RSPH14: variants seen among roughly 807,000 people sequenced by gnomAD.
The protein encoded by RSPH14 is rhabdoid tumor deletion region gene 1.
In RSPH14, 20 loss-of-function variants were observed where a neutral mutation model predicts 26.7. That is an observed-to-expected ratio of 0.75 (90% confidence interval 0.53 to 1.09). The LOEUF (loss-of-function observed/expected upper bound fraction) is 1.09. RSPH14 is among the 50% of genes least tolerant of loss of function. The probability of loss-of-function intolerance (pLI) is 0.00; values close to 1 mark genes in which losing one functional copy is unlikely to be tolerated. For missense variants in RSPH14, 449 were observed against 457.2 expected, an observed-to-expected ratio of 0.98 and a Z score of 0.16; for synonymous variants, 177 against 189.3, an observed-to-expected ratio of 0.93 and a Z score of 0.53.
intron 4 of RSPH14, among the ~76,000 whole-genome samples, chr22:23,079,291 A>T (rs1179874803): frequency 6.6e-6 from 1 of 152,222 alleles, no homozygotes; most frequent in East Asian, 1.9e-4. Flanking sequence ...GAGGCCTCCT[A>T]AGGAAGGGAC....
intron 4 of RSPH14, among the ~76,000 whole-genome samples, chr22:23,077,358 TC>T (rs1214332076): frequency 6.6e-6 from 1 of 152,118 alleles, no homozygotes; most frequent in African/African-American, 2.4e-5. Context: ...GACCTCAGGG[TC>T]CAACCCCATG....
chr22:23,064,041 G>C lies in RSPH14; in HGVS notation c.514C>G (p.Leu172Val). 2.5e-6 allele frequency: 4 copies of C among 1,614,176 alleles called. No homozygotes were observed. Among genetic ancestry groups the C allele is most frequent in the Non-Finnish European group, 3.4e-6 (4 of 1,180,010 alleles). Residue 172 changes from leucine (L) to valine (V), a missense_variant, in exon 5 of 7, where the codon CTG becomes GTG. Coordinates refer to ENST00000216036, the MANE Select transcript of RSPH14 (RefSeq NM_014433.3). ...VEEEEFQEFI[L>V]DTLVLCLQED... is the part of the protein sequence containing the mutation. ...TGCAGGCAGAGGACCAGTGTGTCCAGGATGAACTCCTGGAACTCCTCCTCC... is the reference window on the plus strand; with the variant it reads ...TGCAGGCAGAGGACCAGTGTGTCCACGATGAACTCCTGGAACTCCTCCTCC...
chr22:23,155,263 G>T, the RSPH14 span, among the ~76,000 whole-genome samples: 1 of 152,240 alleles, frequency 6.6e-6, no homozygotes, highest in East Asian at 1.9e-4. Context: ...ACTCAGCCCT[G>T]CATAGTGACT....
the RSPH14 span, among the ~76,000 whole-genome samples, chr22:23,172,441 T>C: frequency 7.3e-6 from 1 of 137,308 alleles, no homozygotes; most frequent in Non-Finnish European, 1.6e-5. Context: ...AAAGGCCAGG[T>C]GCAGTGGCTC....
intron 4 of RSPH14, among the ~76,000 whole-genome samples, chr22:23,117,555 C>A (rs2069884533): frequency 6.6e-6 from 1 of 152,226 alleles, no homozygotes; most frequent in African/African-American, 2.4e-5. Flanking sequence ...TCCGATGAGA[C>A]CTCGCAGGTG....
chr22:23,068,299 C>T (rs1434729743), intron 4 of RSPH14, among the ~76,000 whole-genome samples: 1 of 152,272 alleles, frequency 6.6e-6, no homozygotes, highest in Non-Finnish European at 1.5e-5. Flanking sequence ...CCCAATGCTC[C>T]CCCACTCCAC....
intron 3 of RSPH14, chr22:23,136,400 C>T: frequency 1.8e-6 from 1 of 565,368 alleles, no homozygotes; most frequent in South Asian, 1.8e-5. Flanking sequence ...GCTCTGAAAG[C>T]TATTGACATT....
In RSPH14 at chr22:23,125,947, G is replaced by A. The variant is rs529663450; in HGVS notation, c.421+8079C>T. Among the ~76,000 whole-genome samples the A allele has an allele frequency of 5.9e-5, 9 of 152,250 alleles. No homozygotes were observed. In the East Asian group the frequency reaches 9.7e-4, roughly 16 times the overall value. ...CATGCACACAAGCACATGCACACAC[G>A]CGCAGATACGCACGCAGCCCTGGTG... On this transcript the variant is annotated intron_variant, in intron 4 of 6. Coordinates refer to ENST00000216036, the MANE Select transcript of RSPH14 (RefSeq NM_014433.3).
the RSPH14 span, among the ~76,000 whole-genome samples, chr22:23,175,035 C>G: frequency 2.0e-5 from 3 of 150,568 alleles, no homozygotes; most frequent in Non-Finnish European, 4.4e-5. Context: ...CTCGCTCTGT[C>G]ACCCAGGCTG....
At chr22:23,095,656 C>T (rs1569172498) in intron 4 of RSPH14, 1 of 1,561,586 alleles carries the variant, frequency 6.4e-7, no homozygotes, top group African/African-American at 1.4e-5. Context: ...GAGAGGTGCC[C>T]CATCCCGTGC....
chr22:23,070,391 G>A (rs944907658), intron 4 of RSPH14: 1 of 134,882 alleles, frequency 7.4e-6, no homozygotes, highest in African/African-American at 2.6e-5. Flanking sequence ...GCGGGAGGGC[G>A]GGCGGAGGGA....
upstream of RSPH14, among the ~76,000 whole-genome samples, chr22:23,147,149 C>A (rs1271041489): frequency 6.6e-6 from 1 of 152,152 alleles, no homozygotes; most frequent in Non-Finnish European, 1.5e-5. Flanking sequence ...AAATCCAGGG[C>A]TCTCTCCTCT....
intron 4 of RSPH14, among the ~76,000 whole-genome samples, chr22:23,065,780 G>A (rs1353770291): frequency 2.0e-5 from 3 of 152,128 alleles, no homozygotes; most frequent in Non-Finnish European, 4.4e-5. Flanking sequence ...AGAGTCTCCT[G>A]AATTCCACCA....
chr22:23,148,120 AG>A (rs2146491555), upstream of RSPH14, among the ~76,000 whole-genome samples: 1 of 152,224 alleles, frequency 6.6e-6, no homozygotes, highest in African/African-American at 2.4e-5. Flanking sequence ...GACTCTAGAC[AG>A]GTCCTGGGTA....
the RSPH14 span, chr22:23,152,637 G>GA: frequency 9.3e-7 from 1 of 1,072,414 alleles, no homozygotes; most frequent in Non-Finnish European, 1.4e-6. Flanking sequence ...TGGCTTCCAG[G>GA]AACTGCTGTG....
chr22:23,125,472 G>A (rs997664140), intron 4 of RSPH14, among the ~76,000 whole-genome samples: 2 of 152,138 alleles, frequency 1.3e-5, no homozygotes, highest in African/African-American at 4.8e-5. Flanking sequence ...ACCTTGTAGG[G>A]TTTTGGAGAG....
At chr22:23,116,882 G>C (rs1008383801) in intron 4 of RSPH14, among the ~76,000 whole-genome samples, 3 of 152,152 alleles carry the variant, frequency 2.0e-5, no homozygotes, top group Non-Finnish European at 2.9e-5. Flanking sequence ...CAAATATGCC[G>C]CACCTGGGAG....
At chr22:23,091,364 G>A (rs1273797324) in intron 4 of RSPH14, among the ~76,000 whole-genome samples, 2 of 151,684 alleles carry the variant, frequency 1.3e-5, no homozygotes, top group East Asian at 1.9e-4. Context: ...ATGCATACAC[G>A]CACACATACC....
At chr22:23,142,590 G>A (rs1175266722), upstream of RSPH14, among the ~76,000 whole-genome samples, 1 of 152,158 alleles carries the variant, frequency 6.6e-6, no homozygotes, top group Non-Finnish European at 1.5e-5. Flanking sequence ...CACCCGCCTC[G>A]GCCTCCCAAA....
Sources: allele counts gnomAD v4.1 joint callset (sites outside exome capture counted in the v4.1 genomes callset), GRCh38; gene constraint gnomAD v4.1.1; transcripts MANE v1.5; gene names NCBI Gene and HGNC (gene_info 2026-07-23, HGNC 2026-07-21).